APPBP2: variants seen among roughly 807,000 people sequenced by gnomAD.
The protein encoded by APPBP2 is amyloid protein-binding protein 2.
Under a neutral mutation model 76.0 loss-of-function variants are expected in APPBP2, and 15 were observed. The observed-to-expected ratio is 0.20, with a 90% CI of 0.13 to 0.30. The LOEUF is 0.30. Ranked by LOEUF, APPBP2 falls within the 10% of genes least tolerant of loss-of-function variation. The pLI is 1.00. For synonymous variants in APPBP2, 222 were observed against 242.2 expected (o/e 0.92, Z 0.77); for missense variants, 401 against 687.2 (o/e 0.58, Z 4.66).
intron 2 of APPBP2, among the ~76,000 whole-genome samples, chr17:60,497,295 A>G (rs2090783934): frequency 6.6e-6 from 1 of 152,248 alleles, no homozygotes; most frequent in Non-Finnish European, 1.5e-5. Context: ...GCTAAAAATT[A>G]AAATAATTGC....
intron 3 of APPBP2, among the ~76,000 whole-genome samples, chr17:60,493,633 CTTTT>C (rs150636419): frequency 1.4e-5 from 2 of 141,714 alleles, no homozygotes; most frequent in South Asian, 2.2e-4. Context: ...CATGCCCAGC[CTTTT>C]TTTTTTCTTT....
chr17:60,481,967 C>T (rs2090633772), intron 3 of APPBP2, among the ~76,000 whole-genome samples: 1 of 152,206 alleles, frequency 6.6e-6, no homozygotes, highest in South Asian at 2.1e-4. Context: ...ACCGCAACCT[C>T]CGCCTCCTGG....
chr17:60,469,324 C>CA (rs1159684144), intron 4 of APPBP2, among the ~76,000 whole-genome samples: 1,681 of 52,322 alleles, frequency 0.032, 65 homozygotes, highest in African/African-American at 0.068. Flanking sequence ...GACTCCATCT[C>CA]AAAAAAAAAA....
intron 1 of APPBP2, among the ~76,000 whole-genome samples, chr17:60,502,016 AC>A (rs1395098185): frequency 1.3e-5 from 2 of 152,236 alleles, no homozygotes; most frequent in Non-Finnish European, 2.9e-5. Context: ...ATTTATGTTA[AC>A]ATTAAAACCT....
chr17:60,475,732 CTTT>C (rs1189523796), intron 4 of APPBP2, among the ~76,000 whole-genome samples: 6 of 150,876 alleles, frequency 4.0e-5, no homozygotes, highest in Admixed American at 1.3e-4. Context: ...TCAAGAAGTT[CTTT>C]TTATTATTTA....
intron 3 of APPBP2, among the ~76,000 whole-genome samples, chr17:60,485,614 G>C (rs1001808032): frequency 1.3e-5 from 2 of 152,054 alleles, no homozygotes; most frequent in Admixed American, 1.3e-4. Flanking sequence ...TCTTGCTAGT[G>C]GTCTATCAAT....
At chr17:60,525,469 G>C (rs983536042) in intron 1 of APPBP2, among the ~76,000 whole-genome samples, 1 of 152,164 alleles carries the variant, frequency 6.6e-6, no homozygotes, top group Non-Finnish European at 1.5e-5. Context: ...TGAAGATACG[G>C]GCTAGAAGGA....
intron 4 of APPBP2, among the ~76,000 whole-genome samples, chr17:60,472,255 A>G (rs1040878766): frequency 2.0e-5 from 3 of 152,236 alleles, no homozygotes; most frequent in African/African-American, 7.2e-5. Context: ...CTAATTCTTT[A>G]AATGTTTGAT....
rs146982322 is a variant in APPBP2 at position 60,489,673 on chromosome 17, C to T, written c.379+4793G>A. Reference sequence around the variant, plus strand: ...TAAAAGTTGTTGGGAAGGATGTATACGCACGTGTGTACACTTTAAGACAGA... The same window carrying T: ...TAAAAGTTGTTGGGAAGGATGTATATGCACGTGTGTACACTTTAAGACAGA... On this transcript the variant is annotated intron_variant, in intron 3 of 12. Coordinates refer to ENST00000083182, the MANE Select transcript of APPBP2 (RefSeq NM_006380.5). 1.6e-4 allele frequency among the ~76,000 whole-genome samples: 24 copies of T among 149,400 alleles called. No individual in the cohort carries two copies. The East Asian group carries it at 3.5e-3, about 22-fold the overall frequency.
chr17:60,516,553 T>C (rs1265485497), intron 1 of APPBP2, among the ~76,000 whole-genome samples: 1 of 152,256 alleles, frequency 6.6e-6, no homozygotes, highest in East Asian at 1.9e-4. Context: ...CAAGTAGTTG[T>C]TGTTCATTCA....
intron 10 of APPBP2, among the ~76,000 whole-genome samples, chr17:60,455,827 G>C (rs935309962): frequency 2.1e-5 from 3 of 146,152 alleles, no homozygotes; most frequent in African/African-American, 8.4e-5. Context: ...GCCTAGGCTG[G>C]AGTGCAGTGG....
intron 1 of APPBP2, among the ~76,000 whole-genome samples, chr17:60,519,226 G>T (rs373380165): frequency 6.6e-6 from 1 of 152,018 alleles, no homozygotes; most frequent in Admixed American, 6.6e-5. Flanking sequence ...GTCTCCCAAA[G>T]TGCTGGGATT....
At chr17:60,522,911 A>G (rs542922584) in intron 1 of APPBP2, among the ~76,000 whole-genome samples, 2 of 150,470 alleles carry the variant, frequency 1.3e-5, no homozygotes, top group Admixed American at 6.6e-5. Flanking sequence ...TACCCTTTCT[A>G]TGCTCTCCCT....
intron 3 of APPBP2, among the ~76,000 whole-genome samples, chr17:60,494,036 A>G (rs1485234987): frequency 6.6e-6 from 1 of 152,198 alleles, no homozygotes; most frequent in East Asian, 1.9e-4. Context: ...CCCTCATTTT[A>G]GAGATGGGAA....
chr17:60,515,563 A>G (rs922545752), intron 1 of APPBP2, among the ~76,000 whole-genome samples: 2 of 152,220 alleles, frequency 1.3e-5, no homozygotes, highest in Admixed American at 6.5e-5. Context: ...GGCTCCCCTC[A>G]TATCTGTCCC....
At chr17:60,459,884 T>C (rs550759829) in intron 9 of APPBP2, 1 of 152,368 alleles carries the variant, frequency 6.6e-6, no homozygotes, top group South Asian at 2.1e-4. Flanking sequence ...TACAGAAATC[T>C]GTAAACTTTC....
chr17:60,510,218 T>C (rs74969069), intron 1 of APPBP2, among the ~76,000 whole-genome samples: 96 of 146,572 alleles, frequency 6.5e-4, no homozygotes, highest in African/African-American at 2.3e-3. Flanking sequence ...GCCGGGGCAA[T>C]GTAGCAAGAC....
intron 3 of APPBP2, among the ~76,000 whole-genome samples, chr17:60,486,167 T>C (rs1290983904): frequency 6.6e-6 from 1 of 152,214 alleles, no homozygotes; most frequent in Non-Finnish European, 1.5e-5. Flanking sequence ...GAGAAGAATA[T>C]ATTCTGTTGA....
At chr17:60,466,543 C>CA in intron 4 of APPBP2, 84 bp from the exon 5 acceptor site, 3 of 1,303,544 alleles carry the variant, frequency 2.3e-6, no homozygotes, top group Non-Finnish European at 2.1e-6. Context: ...ACCTGAATGA[C>CA]TTAAGGTAAT....
Sources: allele counts gnomAD v4.1 joint callset (sites outside exome capture counted in the v4.1 genomes callset), GRCh38; gene constraint gnomAD v4.1.1; transcripts MANE v1.5; gene names NCBI Gene and HGNC (gene_info 2026-07-23, HGNC 2026-07-21).